The following MAD1L1 variants were observed in gnomAD, a reference collection of about 807,000 sequenced individuals.
MAD1L1 encodes the protein mitotic spindle assembly checkpoint protein MAD1.
A neutral mutation model predicts 96.9 loss-of-function variants in MAD1L1; 95 were observed. The ratio of observed to expected loss-of-function variants is 0.98; its 90% CI spans 0.83 to 1.16. The LOEUF (loss-of-function observed/expected upper bound fraction) is 1.16, where lower values mean the gene tolerates loss of function less well. Among genes scored for constraint, MAD1L1 ranks in the 50% most tolerant of loss-of-function variants. The probability of loss-of-function intolerance (pLI) is 0.00; values close to 1 mark genes in which losing one functional copy is unlikely to be tolerated. For synonymous variants in MAD1L1, 473 were observed against 396.6 expected (o/e 1.19, Z -2.29); for missense variants, 1,007 against 954.4 (o/e 1.06, Z -0.73).
At position 2,162,771 on chromosome 7, in the gene MAD1L1, C is replaced by T. The variant is rs75202915; in HGVS notation, c.987-13533G>A. The stretch of plus-strand genomic sequence containing the variant: ...TGGCTAAGTGAGGAATCAAATGATG[C>T]GTGTATCTCAAACATTTCAACTTAA... On this transcript the variant is annotated intron_variant, in intron 10 of 18. Coordinates refer to ENST00000265854, the MANE Select transcript of MAD1L1 (RefSeq NM_001013836.2). Among the ~76,000 whole-genome samples, 643 of 148,610 alleles carry T rather than the reference C, an allele frequency of 4.3e-3. 10 individuals carry two copies. The South Asian group carries it at 0.047, about 11-fold the overall frequency.
intron 18 of MAD1L1, among the ~76,000 whole-genome samples, chr7:1,854,646 G>A (rs1396428135): frequency 6.6e-6 from 1 of 152,136 alleles, no homozygotes; most frequent in Admixed American, 6.5e-5. Flanking sequence ...TGGGGATTCG[G>A]TTTCCACGTG....
chr7:1,966,722 T>A (rs919826132), intron 15 of MAD1L1, among the ~76,000 whole-genome samples: 2 of 152,084 alleles, frequency 1.3e-5, no homozygotes, highest in Admixed American at 1.3e-4. Flanking sequence ...CTGTGTGACC[T>A]CAAAGGGAAC....
At position 2,099,471 on chromosome 7, in the gene MAD1L1, T is replaced by C. The variant is rs142671888; in HGVS notation, c.1074-30133A>G. 4.6e-3 allele frequency among the ~76,000 whole-genome samples: 708 copies of C among 152,354 alleles called. 8 individuals carry two copies. Among genetic ancestry groups the C allele is most frequent in the African/African-American group, 0.016 (673 of 41,590 alleles). On this transcript the variant is annotated intron_variant, in intron 11 of 18. Transcript: ENST00000265854. ...CTGTGCTATCTCCCAGCTGCAAATG[T>C]TCAAGCACTTTTTTCTTTTTATTTA...
chr7:2,046,259 T>C (rs898626650), intron 12 of MAD1L1, among the ~76,000 whole-genome samples: 2 of 152,192 alleles, frequency 1.3e-5, no homozygotes, highest in African/African-American at 4.8e-5. Flanking sequence ...TGTCCTCAGC[T>C]GGACGGCAGC....
rs140634840 is a variant in MAD1L1 at position 2,187,875 on chromosome 7, C to T, written c.986+25337G>A. Among the ~76,000 whole-genome samples the T allele has an allele frequency of 6.5e-3, 985 of 152,278 alleles. 31 individuals carry two copies. The highest frequency in any genetic ancestry group is 0.058 in the Admixed American group (894 of 15,306). On this transcript the variant is annotated intron_variant, in intron 10 of 18. Transcript: ENST00000265854. ...TTTTCTCAAAAACGAATTAAATAAACGTTATCATTTGAAAGAATACAACCA... is the reference window on the plus strand; with the variant it reads ...TTTTCTCAAAAACGAATTAAATAAATGTTATCATTTGAAAGAATACAACCA...
chr7:2,094,304 G>A (rs1786363937), intron 11 of MAD1L1, among the ~76,000 whole-genome samples: 1 of 152,198 alleles, frequency 6.6e-6, no homozygotes, highest in Non-Finnish European at 1.5e-5. Context: ...AGAATCCACA[G>A]CTCTCACATC....
At chr7:2,002,344 G>A (rs564291099) in intron 13 of MAD1L1, among the ~76,000 whole-genome samples, 130 of 152,302 alleles carry the variant, frequency 8.5e-4, no homozygotes, top group Non-Finnish European at 1.5e-3. Context: ...GACGAAGACC[G>A]AGTGGGCTGC....
In MAD1L1 at chr7:1,883,817, G is replaced by A. The variant is rs547442776; in HGVS notation, c.1998+14383C>T. Among the ~76,000 whole-genome samples the A allele has an allele frequency of 8.5e-5, 13 of 152,308 alleles. No individual in the cohort carries two copies. In the South Asian group the frequency reaches 2.7e-3, roughly 32 times the overall value. ...TTACCCAGACAGCTTCAAACCAGAT[G>A]CCAACTCCCAGCTCCGAGTTCCAGG... On this transcript the variant is annotated intron_variant, in intron 18 of 18. Transcript: ENST00000265854.
chr7:1,930,680 A>G (rs141951344), intron 17 of MAD1L1, among the ~76,000 whole-genome samples: 94 of 150,038 alleles, frequency 6.3e-4, no homozygotes, highest in African/African-American at 2.1e-3. Context: ...CAGAGCAGGA[A>G]GAGACATCTG....
intron 18 of MAD1L1, chr7:1,848,126 C>T (rs1783743042): frequency 4.3e-6 from 1 of 233,868 alleles, no homozygotes; most frequent in South Asian, 5.8e-5. Flanking sequence ...TAGTGTCGCT[C>T]TCAGGGCTGG....
chr7:1,860,585 C>T (rs1784497984), intron 18 of MAD1L1, among the ~76,000 whole-genome samples: 2 of 152,178 alleles, frequency 1.3e-5, no homozygotes, highest in African/African-American at 4.8e-5. Flanking sequence ...TGTTCTTCCC[C>T]AGTGAAGGTC....
intron 16 of MAD1L1, among the ~76,000 whole-genome samples, chr7:1,943,498 G>T (rs1213024570): frequency 6.6e-6 from 1 of 152,178 alleles, no homozygotes; most frequent in Non-Finnish European, 1.5e-5. Flanking sequence ...ACTTCTATGA[G>T]TTCAATAGAC....
intron 10 of MAD1L1, among the ~76,000 whole-genome samples, chr7:2,184,634 A>G (rs959721940): frequency 7.2e-5 from 11 of 152,222 alleles, no homozygotes; most frequent in Admixed American, 5.9e-4. Context: ...CACAAGAGGC[A>G]GCTACTGGGA....
At chr7:1,954,367 C>G (rs1015495464) in intron 16 of MAD1L1, among the ~76,000 whole-genome samples, 65 of 152,134 alleles carry the variant, frequency 4.3e-4, no homozygotes, top group African/African-American at 1.5e-3. Context: ...GCTGTGGGGT[C>G]CAAGCTGACA....
chr7:1,861,912 G>T (rs1369973445), intron 18 of MAD1L1, among the ~76,000 whole-genome samples: 2 of 151,868 alleles, frequency 1.3e-5, no homozygotes, highest in African/African-American at 2.4e-5. Context: ...CCTGCCCCCT[G>T]GTTGGAGGGA....
At chr7:1,973,662 T>C (rs986983017) in intron 15 of MAD1L1, among the ~76,000 whole-genome samples, 17 of 151,992 alleles carry the variant, frequency 1.1e-4, no homozygotes, top group Admixed American at 9.2e-4. Context: ...ACAGGAGGCA[T>C]GAAGGGCAGC....
intron 12 of MAD1L1, among the ~76,000 whole-genome samples, chr7:2,022,720 G>T (rs60822504): frequency 1.3e-5 from 2 of 152,048 alleles, no homozygotes; most frequent in Non-Finnish European, 2.9e-5. Flanking sequence ...CAGTATCAAC[G>T]ATCATTTCGA....
At chr7:2,037,312 A>T (rs1015802108) in intron 12 of MAD1L1, among the ~76,000 whole-genome samples, 1 of 151,480 alleles carries the variant, frequency 6.6e-6, no homozygotes, top group African/African-American at 2.4e-5. Context: ...TTAACATCTT[A>T]CACGAGCACA....
chr7:1,816,046 CGGCTATGCCCCCGAGCCTGCA>C lies in MAD1L1; in HGVS notation c.*3_*23del, dbSNP rs1562418698. ...CAGGTCAGGCCAAGCAGAGTGGCTCCGGCTATGCCCCCGAGCCTGCAGGCTACGCCACGGTCTGGCGGCTGA... is the reference window on the plus strand; with the variant it reads ...CAGGTCAGGCCAAGCAGAGTGGCTCCGGCTACGCCACGGTCTGGCGGCTGA... On this transcript the variant is annotated 3_prime_UTR_variant, in exon 19 of 19. Transcript: ENST00000265854. The C allele has an allele frequency of 6.3e-7, 1 of 1,590,622 alleles. No homozygotes were observed. Among genetic ancestry groups the C allele is most frequent in the African/African-American group, 1.3e-5 (1 of 74,614 alleles).
Sources: allele counts gnomAD v4.1 joint callset (sites outside exome capture counted in the v4.1 genomes callset), GRCh38; gene constraint gnomAD v4.1.1; transcripts MANE v1.5; gene names NCBI Gene and HGNC (gene_info 2026-07-23, HGNC 2026-07-21).